FHIT: variants seen among roughly 807,000 people sequenced by gnomAD.
FHIT encodes the protein fragile histidine triad diadenosine triphosphatase.
FHIT carries 19 observed loss-of-function variants against 17.9 expected under a neutral mutation model. That is an observed-to-expected ratio of 1.06 (90% CI 0.74 to 1.56). The LOEUF (loss-of-function observed/expected upper bound fraction) is 1.56. Among genes scored for constraint, FHIT ranks in the 40% most tolerant of loss-of-function variants. The pLI is 0.00. For missense variants in FHIT, 248 were observed against 189.2 expected (o/e 1.31, Z -1.82); for synonymous variants, 81 against 69.7 (o/e 1.16, Z -0.81).
intron 7 of FHIT, among the ~76,000 whole-genome samples, chr3:59,994,369 A>C (rs532888416): frequency 6.6e-6 from 1 of 152,232 alleles, no homozygotes; most frequent in Admixed American, 6.5e-5. Flanking sequence ...ATCTGCAGAG[A>C]AACAATTAGA....
At chr3:60,676,588 C>T (rs180881691) in intron 4 of FHIT, among the ~76,000 whole-genome samples, 1 of 152,240 alleles carries the variant, frequency 6.6e-6, no homozygotes, top group East Asian at 1.9e-4. Flanking sequence ...TAATGTGTCA[C>T]CTAGAGAACA....
chr3:60,049,830 A>G (rs1701801318), intron 5 of FHIT, among the ~76,000 whole-genome samples: 1 of 152,328 alleles, frequency 6.6e-6, no homozygotes, highest in South Asian at 2.1e-4. Context: ...CAAGTATTCT[A>G]TAATAAGCAT....
chr3:60,141,669 A>G (rs1259723326), intron 5 of FHIT, among the ~76,000 whole-genome samples: 1 of 152,202 alleles, frequency 6.6e-6, no homozygotes, highest in Non-Finnish European at 1.5e-5. Flanking sequence ...AACATCCTAA[A>G]GAGTCAACTG....
chr3:60,013,591 T>C (rs1700222249), intron 6 of FHIT, among the ~76,000 whole-genome samples: 1 of 152,152 alleles, frequency 6.6e-6, no homozygotes, highest in African/African-American at 2.4e-5. Context: ...CATCTTGAAT[T>C]AAAGACAGAC....
chr3:60,867,632 G>A (rs1575619187), intron 3 of FHIT, among the ~76,000 whole-genome samples: 1 of 152,306 alleles, frequency 6.6e-6, no homozygotes, highest in East Asian at 1.9e-4. Context: ...GCAGGATCAT[G>A]TGACTAGCTC....
In FHIT at chr3:61,142,437, G is replaced by C. The variant is rs1038352923; in HGVS notation, c.-164+58180C>G. On this transcript the variant is annotated intron_variant, in intron 2 of 9. Transcript: ENST00000492590. The stretch of plus-strand genomic sequence containing the variant: ...TCAAGTCAATGATGTATTTGAATGT[G>C]ACTCTAATCACTGAGGTGGGAAAAA... Among the ~76,000 whole-genome samples, 6 of 145,078 alleles carry C rather than the reference G, an allele frequency of 4.1e-5. 1 individual carries two copies. The highest frequency in any genetic ancestry group is 9.4e-5 in the Non-Finnish European group (6 of 63,496).
At chr3:60,137,274 C>G (rs375677188) in intron 5 of FHIT, among the ~76,000 whole-genome samples, 29 of 152,288 alleles carry the variant, frequency 1.9e-4, no homozygotes, top group African/African-American at 6.7e-4. Context: ...ATTTTGAAAA[C>G]TGAACTTCCT....
intron 5 of FHIT, among the ~76,000 whole-genome samples, chr3:60,338,338 C>T (rs1026506469): frequency 3.3e-5 from 5 of 152,134 alleles, no homozygotes; most frequent in Admixed American, 2.0e-4. Context: ...TCCTGTAAAT[C>T]ATCTAATTAT....
chr3:60,639,096 C>A (rs553636921), intron 4 of FHIT, among the ~76,000 whole-genome samples: 97 of 146,712 alleles, frequency 6.6e-4, no homozygotes, highest in African/African-American at 2.2e-3. Flanking sequence ...CAAAGAAAGC[C>A]CACTGAGGTG....
intron 4 of FHIT, among the ~76,000 whole-genome samples, chr3:60,583,727 G>C (rs1236954155): frequency 2.0e-5 from 3 of 152,058 alleles, no homozygotes; most frequent in Non-Finnish European, 4.4e-5. Context: ...CCTGAATAAG[G>C]TGTCCTGTAT....
At chr3:59,952,727 TTTTTCTTGGAACCAAGCGCTGG>T (rs1409247682) in intron 7 of FHIT, among the ~76,000 whole-genome samples, 1 of 152,174 alleles carries the variant, frequency 6.6e-6, no homozygotes, top group Non-Finnish European at 1.5e-5. Context: ...GTCTAATTTC[TTTTTCTTGGAACCAAGCGCTGG>T]TTCTGCATTT....
intron 2 of FHIT, among the ~76,000 whole-genome samples, chr3:61,142,939 G>A (rs78746706): frequency 0.016 from 2,492 of 152,110 alleles, 71 homozygotes; most frequent in African/African-American, 0.056. Context: ...AGTGAAGATC[G>A]TTAATATGTA....
At chr3:60,675,952 A>T (rs1445351100) in intron 4 of FHIT, among the ~76,000 whole-genome samples, 2 of 152,322 alleles carry the variant, frequency 1.3e-5, no homozygotes, top group East Asian at 1.9e-4. Context: ...ATTTTATCTT[A>T]ACAGCAAAAT....
At chr3:60,107,037 A>T (rs1312287404) in intron 5 of FHIT, among the ~76,000 whole-genome samples, 1 of 152,146 alleles carries the variant, frequency 6.6e-6, no homozygotes, top group Non-Finnish European at 1.5e-5. Context: ...TAGGTGAATT[A>T]ATCAGTTTTA....
chr3:60,005,573 C>A (rs1198260180), intron 7 of FHIT, among the ~76,000 whole-genome samples: 1 of 152,202 alleles, frequency 6.6e-6, no homozygotes, highest in Admixed American at 6.5e-5. Flanking sequence ...CTGAGCACTG[C>A]AGTTGTCTTT....
At chr3:59,895,736 T>A (rs1448643401) in intron 8 of FHIT, among the ~76,000 whole-genome samples, 1 of 152,246 alleles carries the variant, frequency 6.6e-6, no homozygotes, top group Non-Finnish European at 1.5e-5. Flanking sequence ...CTAACTTCCA[T>A]TCTCCACAGA....
At chr3:60,757,699 C>A (rs1240555472) in intron 4 of FHIT, among the ~76,000 whole-genome samples, 1 of 152,158 alleles carries the variant, frequency 6.6e-6, no homozygotes. Flanking sequence ...GCCAGCCCCT[C>A]ATGGGTCTGG....
intron 8 of FHIT, among the ~76,000 whole-genome samples, chr3:59,755,273 A>C (rs1157413650): frequency 6.6e-6 from 1 of 152,182 alleles, no homozygotes; most frequent in Non-Finnish European, 1.5e-5. Flanking sequence ...GCAGTTCAGC[A>C]GCCTTTGAAT....
At chr3:60,185,443 TG>T (rs1702117979) in intron 5 of FHIT, among the ~76,000 whole-genome samples, 1 of 152,228 alleles carries the variant, frequency 6.6e-6, no homozygotes, top group Non-Finnish European at 1.5e-5. Flanking sequence ...CATGTTTCTA[TG>T]TATAGTTCAT....
Sources: gnomAD v4.1 joint callset for allele counts (sites outside exome capture counted in the v4.1 genomes callset) on GRCh38, gnomAD v4.1.1 for gene constraint, MANE v1.5 for transcripts, NCBI Gene and HGNC (gene_info 2026-07-23, HGNC 2026-07-21) for gene names.